Variants in VPS37A observed in about 807,000 individuals in gnomAD.
VPS37A encodes vacuolar protein sorting-associated protein 37A.
Under a neutral mutation model 49.8 loss-of-function variants are expected in VPS37A, and 30 were observed. The observed-to-expected ratio is 0.60, with a 90% CI of 0.45 to 0.82. The LOEUF (loss-of-function observed/expected upper bound fraction) is 0.82. Among genes scored for constraint, VPS37A ranks in the 40% least tolerant of loss-of-function variants. The pLI is 0.00. For synonymous variants in VPS37A, 195 were observed against 160.6 expected, an observed-to-expected ratio of 1.21 and a Z score of -1.62; for missense variants, 593 against 464.4, an observed-to-expected ratio of 1.28 and a Z score of -2.55.
chr8:17,268,482 CT>C (rs1813677755), intron 3 of VPS37A, 110 bp downstream of exon 3: 1 of 806,944 alleles, frequency 1.2e-6, no homozygotes, highest in Non-Finnish European at 1.9e-6. Flanking sequence ...GTCATGAGTA[CT>C]TTTTTTAAAA....
Position 17,248,113 on chromosome 8 carries a change from G to C in VPS37A, c.125+744G>C, listed in dbSNP as rs989504551. On this transcript the variant is annotated intron_variant, in intron 1 of 11. Transcript: ENST00000324849. Reference sequence around the variant, plus strand: ...TTTTACTGTAAATTGGTTTGCTGCAGCCTTTTACATTGCAAATGTCTATGG... The same window carrying C: ...TTTTACTGTAAATTGGTTTGCTGCACCCTTTTACATTGCAAATGTCTATGG... 3.3e-5 allele frequency: 12 copies of C among 361,976 alleles called. No individual in the cohort carries two copies. The Admixed American group carries it at 3.8e-4, about 11-fold the overall frequency. 22.4% of individuals were successfully genotyped at this position (361,976 alleles called of 1,614,324 possible).
chr8:17,329,226 C>A, the VPS37A span, among the ~76,000 whole-genome samples: 731 of 152,208 alleles, frequency 4.8e-3, 4 homozygotes, highest in African/African-American at 0.017. Context: ...GAGGAAAAGC[C>A]TTAGAAGGTG....
At position 17,268,269 on chromosome 8, in the gene VPS37A, C is replaced by T; in HGVS notation, c.212C>T (p.Pro71Leu). 6.2e-7 allele frequency: 1 copy of T among 1,611,902 alleles called. No homozygotes were observed. The highest frequency in any genetic ancestry group is 8.5e-7 in the Non-Finnish European group (1 of 1,179,346). The change falls in exon 3 of 12, where the codon CCA becomes CTA. Residue 71 changes from proline (P) to leucine (L), a missense_variant. By Grantham distance (98) the Pro-to-Leu change is moderately conservative. Coordinates refer to ENST00000324849, the MANE Select transcript of VPS37A (RefSeq NM_152415.3). Reference sequence around the variant, plus strand: ...TCTACCTCTACCAGATTGCTTCCTCCACAGTTTCCTCAGGAAAAACCAGTG... The same window carrying T: ...TCTACCTCTACCAGATTGCTTCCTCTACAGTTTCCTCAGGAAAAACCAGTG... ...LTININILLP[P>L]QFPQEKPVIS...
At chr8:17,299,928 C>G (rs769029644), downstream of VPS37A, 2 of 1,614,044 alleles carry the variant, frequency 1.2e-6, no homozygotes, top group Non-Finnish European at 1.7e-6. Flanking sequence ...TCGGTGCATG[C>G]TCACCACCAC....
At chr8:17,290,842 C>A (rs148863887) in intron 11 of VPS37A, among the ~76,000 whole-genome samples, 1 of 152,102 alleles carries the variant, frequency 6.6e-6, no homozygotes, top group Admixed American at 6.6e-5. Context: ...ATTACTGCCT[C>A]GGTTTCAGAA....
intron 11 of VPS37A, among the ~76,000 whole-genome samples, chr8:17,294,682 G>A (rs1816476978): frequency 6.6e-6 from 1 of 152,166 alleles, no homozygotes; most frequent in Non-Finnish European, 1.5e-5. Context: ...GGCTAGGGGA[G>A]GTAGTTCCCT....
the VPS37A span, among the ~76,000 whole-genome samples, chr8:17,327,599 A>T: frequency 1.3e-5 from 2 of 151,334 alleles, no homozygotes; most frequent in African/African-American, 2.4e-5. Context: ...TTTATTTTTT[A>T]AAAACGTATT....
rs893733813 is a variant in VPS37A at position 17,296,920 on chromosome 8, A to C, written c.*1934A>C. On this transcript the variant is annotated 3_prime_UTR_variant, in exon 12 of 12. Coordinates refer to ENST00000324849, the MANE Select transcript of VPS37A (RefSeq NM_152415.3). ...GCAGTGTGATCAGTTATCTGCATTT[A>C]ACAAATAGACAAATCAGTTTACATA... 4 of 152,192 alleles carry C rather than the reference A, an allele frequency of 2.6e-5. No homozygotes were observed. The highest frequency in any genetic ancestry group is 4.1e-4 in the South Asian group (2 of 4,822). 9.4% of individuals were successfully genotyped at this position (152,192 alleles called of 1,614,324 possible). A position where few individuals can be genotyped will look rare whatever the true frequency, so the allele number is the denominator to read the frequency against.
At chr8:17,299,080 A>G (rs1181463777), downstream of VPS37A, 1 of 152,180 alleles carries the variant, frequency 6.6e-6, no homozygotes, top group Admixed American at 6.5e-5. Flanking sequence ...TAGTCTCTAG[A>G]ACAGTAATAA....
chr8:17,269,176 G>A (rs536332365), intron 4 of VPS37A, among the ~76,000 whole-genome samples: 4 of 152,068 alleles, frequency 2.6e-5, no homozygotes, highest in Non-Finnish European at 5.9e-5. Flanking sequence ...TCTATCACTC[G>A]ATTCTTTCAT....
intron 9 of VPS37A, among the ~76,000 whole-genome samples, chr8:17,283,132 T>A (rs1815245121): frequency 6.6e-6 from 1 of 152,056 alleles, no homozygotes; most frequent in African/African-American, 2.4e-5. Flanking sequence ...TATTTATGAG[T>A]CACAAAGAGA....
At chr8:17,331,018 C>T in the VPS37A span, 39 of 1,081,754 alleles carry the variant, frequency 3.6e-5, no homozygotes, top group African/African-American at 4.5e-4. Flanking sequence ...TTTAAAAAGC[C>T]ACTGTAACAT....
At chr8:17,281,758 A>G (rs1014530413) in intron 9 of VPS37A, among the ~76,000 whole-genome samples, 1 of 152,112 alleles carries the variant, frequency 6.6e-6, no homozygotes, top group African/African-American at 2.4e-5. Flanking sequence ...TGCTCCAGCA[A>G]TTACTACTGC....
At chr8:17,267,294 A>C (rs1813558027) in intron 2 of VPS37A, among the ~76,000 whole-genome samples, 1 of 152,192 alleles carries the variant, frequency 6.6e-6, no homozygotes, top group South Asian at 2.1e-4. Context: ...CAACAGTATG[A>C]CCAACAAATA....
At chr8:17,286,831 A>T (rs1446402368) in intron 11 of VPS37A, among the ~76,000 whole-genome samples, 1 of 152,120 alleles carries the variant, frequency 6.6e-6, no homozygotes, top group Non-Finnish European at 1.5e-5. Context: ...CGATTACTCT[A>T]ATAATTCACC....
the VPS37A span, chr8:17,309,233 T>A: frequency 8.0e-7 from 1 of 1,244,800 alleles, no homozygotes; most frequent in Admixed American, 2.1e-5. Context: ...TCAGAAACAG[T>A]GCTTTTATTC....
At chr8:17,268,446 C>A in intron 3 of VPS37A, 74 bp downstream of exon 3, 2 of 1,146,386 alleles carry the variant, frequency 1.7e-6, no homozygotes, top group Non-Finnish European at 2.5e-6. Context: ...TTTTAGAAAT[C>A]TGAAATGCAT....
the VPS37A span, among the ~76,000 whole-genome samples, chr8:17,312,737 A>T: frequency 6.6e-6 from 1 of 152,164 alleles, no homozygotes; most frequent in Admixed American, 6.5e-5. Context: ...TTACCTCAAA[A>T]CAGGGAACAT....
At chr8:17,276,569 C>G (rs944543838) in intron 6 of VPS37A, 102 bp downstream of exon 6, 14 of 1,159,402 alleles carry the variant, frequency 1.2e-5, no homozygotes, top group Non-Finnish European at 1.7e-5. Context: ...AAAATTTTCA[C>G]TAATCCTAAA....
Sources: gnomAD v4.1 joint callset for allele counts (sites outside exome capture counted in the v4.1 genomes callset) on GRCh38, gnomAD v4.1.1 for gene constraint, MANE v1.5 for transcripts, NCBI Gene and HGNC (gene_info 2026-07-23, HGNC 2026-07-21) for gene names.